Variants in PCDHA12 observed in about 807,000 individuals in gnomAD.
The protein encoded by PCDHA12 is protocadherin alpha-12.
PCDHA12 carries 44 observed loss-of-function variants against 60.0 expected under a neutral mutation model. The ratio of observed to expected loss-of-function variants is 0.73; its 90% CI spans 0.58 to 0.94. The LOEUF is 0.94. Ranked by LOEUF, PCDHA12 falls within the 40% of genes least tolerant of loss-of-function variation. PCDHA12 has a pLI of 0.00. For missense variants in PCDHA12, 1,276 were observed against 1,239.7 expected, an observed-to-expected ratio of 1.03 and a Z score of -0.44; for synonymous variants, 569 against 553.0, an observed-to-expected ratio of 1.03 and a Z score of -0.40.
intron 3 of PCDHA12, among the ~76,000 whole-genome samples, chr5:141,005,012 G>T (rs782256217): frequency 3.3e-5 from 5 of 152,212 alleles, no homozygotes; most frequent in Non-Finnish European, 4.4e-5. Context: ...CCTGAGAGCT[G>T]CATTATATAT....
In PCDHA12 at chr5:140,961,268, T is replaced by C. The variant is rs116524101; in HGVS notation, c.2368-17681T>C. Reference sequence around the variant, plus strand: ...TATCCGAAGCTCCAGGAAGCTTCTTTTTACCATGGCTCTGTTTCTTGAGGT... The same window carrying C: ...TATCCGAAGCTCCAGGAAGCTTCTTCTTACCATGGCTCTGTTTCTTGAGGT... On this transcript the variant is annotated intron_variant, in intron 1 of 3. Coordinates refer to ENST00000398631, the MANE Select transcript of PCDHA12 (RefSeq NM_018903.4). Among the ~76,000 whole-genome samples the C allele has an allele frequency of 5.5e-3, 833 of 152,318 alleles. 9 individuals carry two copies. The highest frequency in any genetic ancestry group is 0.019 in the African/African-American group (777 of 41,562).
At chr5:140,878,899 G>T (rs1301967468) in intron 1 of PCDHA12, among the ~76,000 whole-genome samples, 2 of 152,152 alleles carry the variant, frequency 1.3e-5, no homozygotes, top group Non-Finnish European at 2.9e-5. Context: ...CTACAGGCAG[G>T]CTCCACCACT....
At chr5:140,913,203 G>A (rs2076251339) in intron 1 of PCDHA12, among the ~76,000 whole-genome samples, 1 of 152,182 alleles carries the variant, frequency 6.6e-6, no homozygotes, top group African/African-American at 2.4e-5. Flanking sequence ...TGGCAGTGAA[G>A]CCAATGGGTC....
intron 1 of PCDHA12, among the ~76,000 whole-genome samples, chr5:140,942,287 G>A (rs1468201947): frequency 1.3e-5 from 2 of 152,102 alleles, no homozygotes; most frequent in African/African-American, 4.8e-5. Context: ...GCTCATGCCT[G>A]TAATCCTAGC....
At chr5:140,885,832 T>C (rs888778134) in intron 1 of PCDHA12, among the ~76,000 whole-genome samples, 1 of 152,244 alleles carries the variant, frequency 6.6e-6, no homozygotes, top group South Asian at 2.1e-4. Flanking sequence ...TTCTTTGATT[T>C]ATCCATTAAG....
chr5:140,948,495 G>T (rs2094260954), intron 1 of PCDHA12, among the ~76,000 whole-genome samples: 1 of 151,424 alleles, frequency 6.6e-6, no homozygotes, highest in African/African-American at 2.4e-5. Context: ...TTCTTTCATA[G>T]ACTTTCTATT....
chr5:140,900,187 T>C (rs529700623), intron 1 of PCDHA12, among the ~76,000 whole-genome samples: 1 of 152,346 alleles, frequency 6.6e-6, no homozygotes, highest in Non-Finnish European at 1.5e-5. Context: ...ATGTCACTTA[T>C]AATGACATCC....
At chr5:140,933,446 C>T (rs543444309) in intron 1 of PCDHA12, among the ~76,000 whole-genome samples, 1 of 151,990 alleles carries the variant, frequency 6.6e-6, no homozygotes, top group Non-Finnish European at 1.5e-5. Flanking sequence ...AATGACATAC[C>T]TTCAAAATAT....
chr5:140,928,219 C>T (rs2153594773), intron 1 of PCDHA12: 1 of 1,614,166 alleles, frequency 6.2e-7, no homozygotes, highest in African/African-American at 1.3e-5. Flanking sequence ...TGACAATACA[C>T]CAAACTTTCC....
At chr5:140,978,800 TATC>T (rs1193658453) in intron 1 of PCDHA12, 146 bp from the exon 2 acceptor site, 56 of 1,480,550 alleles carry the variant, frequency 3.8e-5, no homozygotes, top group Admixed American at 1.1e-4. Context: ...TATATGTAGA[TATC>T]ATCATAGAGT....
chr5:140,966,894 A>G, intron 1 of PCDHA12: 1 of 1,596,438 alleles, frequency 6.3e-7, no homozygotes, highest in Non-Finnish European at 8.5e-7. Flanking sequence ...GCGGCCTCCC[A>G]GCTGCGATAC....
chr5:140,884,461 G>A (rs2060188157), intron 1 of PCDHA12: 3 of 1,613,646 alleles, frequency 1.9e-6, no homozygotes, highest in African/African-American at 1.3e-5. Flanking sequence ...CCGAGGGCGC[G>A]TGCGCGCCGG....
At chr5:140,883,910 A>G in intron 1 of PCDHA12, 4 of 1,613,424 alleles carry the variant, frequency 2.5e-6, no homozygotes, top group Non-Finnish European at 3.4e-6. Context: ...TCTGGGCAGC[A>G]ACGTGACGCT....
chr5:140,979,411 T>C (rs1422593406), intron 2 of PCDHA12, among the ~76,000 whole-genome samples: 1 of 152,204 alleles, frequency 6.6e-6, no homozygotes, highest in Non-Finnish European at 1.5e-5. Flanking sequence ...CTACCTTGTT[T>C]TTTTTTTAAT....
At chr5:140,924,188 T>A (rs2081715328) in intron 1 of PCDHA12, among the ~76,000 whole-genome samples, 1 of 152,146 alleles carries the variant, frequency 6.6e-6, no homozygotes, top group African/African-American at 2.4e-5. Flanking sequence ...AGAAAATTAG[T>A]TTTGGTTTAG....
intron 1 of PCDHA12, among the ~76,000 whole-genome samples, chr5:140,911,116 C>G (rs1184319768): frequency 6.6e-6 from 1 of 152,142 alleles, no homozygotes; most frequent in Non-Finnish European, 1.5e-5. Flanking sequence ...GAAGCCATCA[C>G]TGTTGCCTCA....
intron 1 of PCDHA12, among the ~76,000 whole-genome samples, chr5:140,905,634 C>T (rs1554192107): frequency 6.6e-6 from 1 of 152,168 alleles, no homozygotes; most frequent in African/African-American, 2.4e-5. Context: ...ACAGTATGGT[C>T]AGTTTCACAG....
At chr5:141,006,996 G>T (rs1206587874) in intron 3 of PCDHA12, among the ~76,000 whole-genome samples, 2 of 152,136 alleles carry the variant, frequency 1.3e-5, no homozygotes, top group African/African-American at 4.8e-5. Flanking sequence ...TAAAATATAA[G>T]TCTGCATCTC....
At chr5:140,968,961 A>G (rs1554231270) in intron 1 of PCDHA12, 1 of 1,614,088 alleles carries the variant, frequency 6.2e-7, no homozygotes, top group African/African-American at 1.3e-5. Context: ...ATCAAGTGCT[A>G]CCGCTACACT....
Sources: gnomAD v4.1 joint callset for allele counts (sites outside exome capture counted in the v4.1 genomes callset) on GRCh38, gnomAD v4.1.1 for gene constraint, MANE v1.5 for transcripts, NCBI Gene and HGNC (gene_info 2026-07-23, HGNC 2026-07-21) for gene names.